ATG3: variants seen among roughly 807,000 people sequenced by gnomAD.
ATG3 encodes the protein ubiquitin-like-conjugating enzyme ATG3.
ATG3 carries 25 observed loss-of-function variants against 50.7 expected under a neutral mutation model. The ratio of observed to expected loss-of-function variants is 0.49; its 90% CI spans 0.36 to 0.69. The LOEUF (loss-of-function observed/expected upper bound fraction) is 0.69. Ranked by LOEUF, ATG3 falls within the 30% of genes least tolerant of loss-of-function variation. ATG3 has a pLI of 0.00. For synonymous variants in ATG3, 119 were observed against 125.5 expected (o/e 0.95, Z 0.34); for missense variants, 281 against 376.0 (o/e 0.75, Z 2.09).
chr3:112,548,785 G>C (rs6767088), intron 4 of ATG3, 145 bp from the exon 5 acceptor site: 5 of 682,498 alleles, frequency 7.3e-6, no homozygotes, highest in African/African-American at 3.6e-5. Context: ...AGGTGATTAA[G>C]AGTTACATTC....
intron 2 of ATG3, among the ~76,000 whole-genome samples, chr3:112,554,873 CTT>C (rs1933622275): frequency 6.6e-6 from 1 of 152,142 alleles, no homozygotes; most frequent in Non-Finnish European, 1.5e-5. Flanking sequence ...CTGATAGAAA[CTT>C]TATGTTTCTG....
chr3:112,552,944 C>T (rs968797336), intron 3 of ATG3, among the ~76,000 whole-genome samples: 1 of 152,154 alleles, frequency 6.6e-6, no homozygotes, highest in East Asian at 1.9e-4. Context: ...CCGCGCCCTG[C>T]CAAAAACCTG....
chr3:112,541,756 TA>T, intron 7 of ATG3, 46 bp downstream of exon 7: 1 of 1,466,254 alleles, frequency 6.8e-7, no homozygotes, highest in Non-Finnish European at 9.5e-7. Flanking sequence ...ACAAATATTC[TA>T]AATCAATATT....
intron 5 of ATG3, 111 bp downstream of exon 5, chr3:112,548,422 T>C (rs7625366): frequency 0.85 from 792,609 of 929,198 alleles, 348,719 homozygotes; most frequent in Non-Finnish European, 0.92. Flanking sequence ...TGTAAGTCTA[T>C]TGGGACAAAA....
intron 2 of ATG3, among the ~76,000 whole-genome samples, chr3:112,554,460 C>T (rs1216075613): frequency 6.6e-6 from 1 of 152,218 alleles, no homozygotes; most frequent in Non-Finnish European, 1.5e-5. Flanking sequence ...GCCCACAAAA[C>T]ATTGCTCCTA....
In ATG3 at chr3:112,532,644, G is replaced by A. The variant is rs1307959881; in HGVS notation, c.*55C>T. 3.6e-6 allele frequency: 5 copies of A among 1,371,330 alleles called. No individual in the cohort carries two copies. Among genetic ancestry groups the A allele is most frequent in the Non-Finnish European group, 5.0e-6 (5 of 1,006,216 alleles). 84.9% of individuals were successfully genotyped at this position (1,371,330 alleles called of 1,614,324 possible). A position where few individuals can be genotyped will look rare whatever the true frequency, so the allele number is the denominator to read the frequency against. ...ATATGGTCAATGGTCACATCTATGG[G>A]TTAATTCTTTAAAAATCAGAACCAA... On this transcript the variant is annotated 3_prime_UTR_variant, in exon 12 of 12. Coordinates refer to ENST00000283290, the MANE Select transcript of ATG3 (RefSeq NM_022488.5).
chr3:112,559,007 G>T (rs1297184688), intron 1 of ATG3, among the ~76,000 whole-genome samples: 1 of 152,190 alleles, frequency 6.6e-6, no homozygotes, highest in Non-Finnish European at 1.5e-5. Flanking sequence ...CCAATGTGCT[G>T]GGATTACAGG....
chr3:112,538,081 A>G, intron 8 of ATG3, 65 bp downstream of exon 8: 1 of 1,302,706 alleles, frequency 7.7e-7, no homozygotes, highest in Non-Finnish European at 1.1e-6. Flanking sequence ...ATATATTATT[A>G]GTAAGAACAT....
chr3:112,555,852 G>A (rs764817366), intron 2 of ATG3, among the ~76,000 whole-genome samples: 4 of 152,152 alleles, frequency 2.6e-5, no homozygotes, highest in Non-Finnish European at 4.4e-5. Flanking sequence ...TAAATTGATT[G>A]ATGTTGTAAT....
chr3:112,552,510 A>G (rs1173747440), intron 3 of ATG3, among the ~76,000 whole-genome samples: 1 of 152,024 alleles, frequency 6.6e-6, no homozygotes, highest in Non-Finnish European at 1.5e-5. Flanking sequence ...CTAAAGATGG[A>G]GCATACTTTT....
At chr3:112,558,126 T>C (rs1050658055) in intron 2 of ATG3, 10 of 471,960 alleles carry the variant, frequency 2.1e-5, no homozygotes, top group Admixed American at 3.9e-5. Flanking sequence ...TAGGACTCAT[T>C]TTGATCCCTT....
intron 2 of ATG3, among the ~76,000 whole-genome samples, chr3:112,555,976 C>T (rs934062487): frequency 6.6e-6 from 1 of 152,218 alleles, no homozygotes; most frequent in Non-Finnish European, 1.5e-5. Context: ...AACAATTAGT[C>T]ATCTTCACAG....
Position 112,558,697 on chromosome 3 carries a change from G to A in ATG3, c.73-280C>T, listed in dbSNP as rs529024847. On this transcript the variant is annotated intron_variant, in intron 1 of 11. Coordinates refer to ENST00000283290, the MANE Select transcript of ATG3 (RefSeq NM_022488.5). ...CATGAAAATAATTATAATACTATCA[G>A]ATCAGTGCTATAATAGAGTAAAGCT... Among the ~76,000 whole-genome samples, 14 of 151,632 alleles carry A rather than the reference G, an allele frequency of 9.2e-5. No individual in the cohort carries two copies. In the South Asian group the frequency reaches 2.5e-3, roughly 27 times the overall value.
intron 7 of ATG3, 29 bp from the exon 8 acceptor site, chr3:112,538,209 T>C: frequency 2.0e-6 from 3 of 1,493,570 alleles, no homozygotes; most frequent in Non-Finnish European, 1.8e-6. Flanking sequence ...AAAAGATTAA[T>C]CAAGTTCAAG....
rs770672275 is a variant in ATG3, at chr3:112,537,885, G to T, written c.516C>A (p.Thr172=). 16 of 1,598,262 alleles carry T rather than the reference G, an allele frequency of 1.0e-5. No individual in the cohort carries two copies. The highest frequency in any genetic ancestry group is 2.3e-5 in the South Asian group (2 of 87,712). ...ESGLLETDEA[T]LDTRKIVEAC... ...CTTCTACTATTTTCCTTGTATCTAGGGTAGCCTGAAAATAATAAAAGAGAA... is the reference window on the plus strand; with the variant it reads ...CTTCTACTATTTTCCTTGTATCTAGTGTAGCCTGAAAATAATAAAAGAGAA... Residue 172 remains threonine (T), a synonymous_variant, in exon 9 of 12, where the codon ACC becomes ACA. Transcript: ENST00000283290.
intron 10 of ATG3, 119 bp from the exon 11 acceptor site, chr3:112,534,456 GTTATA>G (rs1181828927): frequency 2.4e-5 from 15 of 625,554 alleles, no homozygotes; most frequent in Admixed American, 3.9e-5. Flanking sequence ...ATTTTTAATA[GTTATA>G]TTATAAACTA....
At chr3:112,557,196 C>A (rs1025785087) in intron 2 of ATG3, among the ~76,000 whole-genome samples, 2 of 137,546 alleles carry the variant, frequency 1.5e-5, no homozygotes, top group Admixed American at 7.9e-5. Flanking sequence ...GGACTACAGG[C>A]GCCCACCATC....
chr3:112,549,220 G>C (rs1380143167), intron 4 of ATG3, among the ~76,000 whole-genome samples: 1 of 152,104 alleles, frequency 6.6e-6, no homozygotes, highest in African/African-American at 2.4e-5. Flanking sequence ...CAATTAACAG[G>C]TATTATTATT....
At chr3:112,539,926 C>T (rs912299108) in intron 7 of ATG3, among the ~76,000 whole-genome samples, 6 of 152,192 alleles carry the variant, frequency 3.9e-5, no homozygotes, top group Non-Finnish European at 7.3e-5. Context: ...GCTACCCCAC[C>T]ACCCCAACTT....
Sources: gnomAD v4.1 joint callset for allele counts (sites outside exome capture counted in the v4.1 genomes callset) on GRCh38, gnomAD v4.1.1 for gene constraint, MANE v1.5 for transcripts, NCBI Gene and HGNC (gene_info 2026-07-23, HGNC 2026-07-21) for gene names.